Variants in SLC24A2 observed in about 807,000 individuals in gnomAD.
SLC24A2 encodes solute carrier family 24 member 2, also known as sodium/potassium/calcium exchanger 2.
In SLC24A2, 36 loss-of-function variants were observed where a neutral mutation model predicts 62.0. The observed-to-expected ratio is 0.58, with a 90% CI of 0.44 to 0.77. SLC24A2 has a LOEUF of 0.77. SLC24A2 is among the 30% of genes least tolerant of loss of function. The probability of loss-of-function intolerance (pLI) is 0.00; values close to 1 mark genes in which losing one functional copy is unlikely to be tolerated. For synonymous variants in SLC24A2, 358 were observed against 294.0 expected, an observed-to-expected ratio of 1.22 and a Z score of -2.23; for missense variants, 846 against 817.9, an observed-to-expected ratio of 1.03 and a Z score of -0.42.
the SLC24A2 span, among the ~76,000 whole-genome samples, chr9:20,274,351 G>A: frequency 1.3e-5 from 2 of 152,128 alleles, no homozygotes; most frequent in East Asian, 3.9e-4. Flanking sequence ...ATTATGAAAG[G>A]CATTTTAGCT....
At chr9:20,017,747 G>A in the SLC24A2 span, among the ~76,000 whole-genome samples, 1 of 152,192 alleles carries the variant, frequency 6.6e-6, no homozygotes, top group African/African-American at 2.4e-5. Flanking sequence ...AAGGCAGGAA[G>A]CATCCAGCAT....
At chr9:19,530,078 CTTT>C (rs11365952) in intron 8 of SLC24A2, among the ~76,000 whole-genome samples, 87 of 124,864 alleles carry the variant, frequency 7.0e-4, no homozygotes, top group Admixed American at 1.1e-3. Context: ...ATAAAAGCAG[CTTT>C]TTTTTTTTTT....
intron 2 of SLC24A2, among the ~76,000 whole-genome samples, chr9:19,670,880 C>T (rs1419211458): frequency 6.6e-6 from 1 of 152,130 alleles, no homozygotes; most frequent in Non-Finnish European, 1.5e-5. Context: ...TTTCTGATAT[C>T]CCTGATAACA....
At chr9:20,290,050 C>T in the SLC24A2 span, among the ~76,000 whole-genome samples, 1 of 152,184 alleles carries the variant, frequency 6.6e-6, no homozygotes, top group Admixed American at 6.5e-5. Flanking sequence ...CCCTCTGAGC[C>T]ACAACAGTGG....
At chr9:19,850,960 TA>T in the SLC24A2 span, among the ~76,000 whole-genome samples, 44 of 27,320 alleles carry the variant, frequency 1.6e-3, 1 homozygote, top group African/African-American at 4.5e-3. Context: ...TATATATATA[TA>T]TATATGTATA....
intron 4 of SLC24A2, among the ~76,000 whole-genome samples, chr9:19,605,872 G>C (rs925830684): frequency 1.4e-4 from 22 of 152,360 alleles, no homozygotes; most frequent in African/African-American, 5.0e-4. Flanking sequence ...AACTTGCCCA[G>C]GGGCACACAG....
chr9:20,274,084 T>C, the SLC24A2 span, among the ~76,000 whole-genome samples: 8 of 152,188 alleles, frequency 5.3e-5, no homozygotes, highest in African/African-American at 1.9e-4. Flanking sequence ...CTAGACACTG[T>C]TCTGAGCACT....
the SLC24A2 span, among the ~76,000 whole-genome samples, chr9:20,071,453 G>T: frequency 6.6e-6 from 1 of 152,194 alleles, no homozygotes; most frequent in Non-Finnish European, 1.5e-5. Flanking sequence ...TTGAGCTCGG[G>T]ATGGAGGAAA....
chr9:19,968,581 G>A, the SLC24A2 span, among the ~76,000 whole-genome samples: 1 of 152,150 alleles, frequency 6.6e-6, no homozygotes, highest in South Asian at 2.1e-4. Flanking sequence ...GACCAATTAT[G>A]AAACAAATAT....
chr9:20,033,152 G>A, the SLC24A2 span, among the ~76,000 whole-genome samples: 3 of 152,194 alleles, frequency 2.0e-5, no homozygotes, highest in Non-Finnish European at 4.4e-5. Context: ...TGAGAAACAT[G>A]ACTGTGTGGC....
intron 4 of SLC24A2, among the ~76,000 whole-genome samples, chr9:19,616,949 A>C (rs1204299596): frequency 6.6e-6 from 1 of 152,070 alleles, no homozygotes; most frequent in African/African-American, 2.4e-5. Context: ...CCTATGGAAA[A>C]ACCTGGGGCA....
chr9:19,742,762 T>G (rs563874093), intron 2 of SLC24A2, among the ~76,000 whole-genome samples: 3 of 152,262 alleles, frequency 2.0e-5, no homozygotes, highest in Non-Finnish European at 4.4e-5. Context: ...ATCAATGAAC[T>G]ATCCCCTACC....
Position 19,599,487 on chromosome 9 carries a change from G to C in SLC24A2, c.1079-2208C>G, listed in dbSNP as rs1836788705. 6.6e-6 allele frequency among the ~76,000 whole-genome samples: 1 copy of C among 152,166 alleles called. No homozygotes were observed. The highest frequency in any genetic ancestry group is 2.4e-5 in the African/African-American group (1 of 41,444). On this transcript the variant is annotated intron_variant, in intron 4 of 10. Transcript: ENST00000341998. This position sits in a 1 kb window ranked among gnomAD's most constrained non-coding sequence, Gnocchi z 4.5. ...AGGGAATGGTATCTGCCCAAACAAA[G>C]AGAACCATGTTTACAGTTTACTGAA...
the SLC24A2 span, among the ~76,000 whole-genome samples, chr9:20,265,534 GCCTGT>G: frequency 6.6e-6 from 1 of 152,088 alleles, no homozygotes; most frequent in Non-Finnish European, 1.5e-5. Flanking sequence ...GATTTCCTAG[GCCTGT>G]CTTTACTTTA....
chr9:19,665,793 G>A (rs975918403), intron 2 of SLC24A2, among the ~76,000 whole-genome samples: 1 of 152,024 alleles, frequency 6.6e-6, no homozygotes, highest in African/African-American at 2.4e-5. Flanking sequence ...TTGTGTGTGT[G>A]TGTATGTGTA....
At chr9:20,161,287 A>G in the SLC24A2 span, among the ~76,000 whole-genome samples, 14 of 151,440 alleles carry the variant, frequency 9.2e-5, no homozygotes, top group Admixed American at 7.3e-4. Flanking sequence ...GCTTTCATAG[A>G]GGAATTCTAA....
the SLC24A2 span, among the ~76,000 whole-genome samples, chr9:20,127,201 T>C: frequency 3.3e-5 from 5 of 152,104 alleles, no homozygotes; most frequent in Non-Finnish European, 4.4e-5. Context: ...GTTTCCTCTC[T>C]CCTTCATTCC....
At chr9:20,028,227 G>C in the SLC24A2 span, among the ~76,000 whole-genome samples, 1 of 152,070 alleles carries the variant, frequency 6.6e-6, no homozygotes, top group Non-Finnish European at 1.5e-5. Flanking sequence ...TAGACTTTGG[G>C]GTACAGCCCT....
At chr9:20,074,035 C>G in the SLC24A2 span, among the ~76,000 whole-genome samples, 1 of 151,382 alleles carries the variant, frequency 6.6e-6, no homozygotes, top group African/African-American at 2.4e-5. Context: ...AACTGAGCTA[C>G]CCAGAATTAT....
Sources: gnomAD v4.1 joint callset for allele counts (sites outside exome capture counted in the v4.1 genomes callset) on GRCh38, gnomAD v4.1.1 for gene constraint, Gnocchi (gnomAD v3.1) non-coding constraint, MANE v1.5 for transcripts, NCBI Gene and HGNC (gene_info 2026-07-23, HGNC 2026-07-21) for gene names.